The following PCMTD2 variants were observed in gnomAD, a reference collection of about 807,000 sequenced individuals.
PCMTD2 encodes the protein protein-L-isoaspartate O-methyltransferase domain-containing protein 2.
Under a neutral mutation model 33.4 loss-of-function variants are expected in PCMTD2, and 16 were observed. That is an observed-to-expected ratio of 0.48 (90% confidence interval 0.32 to 0.73). The LOEUF is 0.73. Among genes scored for constraint, PCMTD2 ranks in the 30% least tolerant of loss-of-function variants. The pLI, the probability that PCMTD2 is intolerant of heterozygous loss-of-function variation, is 0.03. For synonymous variants in PCMTD2, 161 were observed against 160.8 expected (o/e 1.00, Z -0.01); for missense variants, 374 against 449.9 (o/e 0.83, Z 1.53).
chr20:64,273,164 CGTT>C, intron 5 of PCMTD2, 54 bp from the exon 6 acceptor site: 1 of 1,463,342 alleles, frequency 6.8e-7, no homozygotes, highest in South Asian at 1.3e-5. Flanking sequence ...GGTGTGTAGG[CGTT>C]GTGGTGGTGT....
At chr20:64,257,040 C>G (rs2145751088) in intron 1 of PCMTD2, 1 of 152,356 alleles carries the variant, frequency 6.6e-6, no homozygotes, top group Middle Eastern at 3.4e-3. Flanking sequence ...TGTAAGAGTT[C>G]TGGTTTTCAA....
rs1356469701 is a variant in PCMTD2, at chr20:64,264,618, G to A, written c.410+87G>A. Reference sequence around the variant, plus strand: ...TCAGATAGAAAGAAATCATGTGGTAGGAAACATAATTAAACTGTGGTGGGA... The same window carrying A: ...TCAGATAGAAAGAAATCATGTGGTAAGAAACATAATTAAACTGTGGTGGGA... On this transcript the variant is annotated intron_variant, in intron 3 of 5. Transcript: ENST00000308824. 33 of 723,388 alleles carry A rather than the reference G, an allele frequency of 4.6e-5. 1 individual carries two copies. In the East Asian group the frequency reaches 8.6e-4, roughly 19 times the overall value. The allele number at this position is 723,388 out of a possible 1,614,324, so 44.8% of individuals were successfully genotyped here.
chr20:64,259,908 A>G (rs1985328444), intron 1 of PCMTD2, 34 bp from the exon 2 acceptor site: 3 of 1,086,606 alleles, frequency 2.8e-6, no homozygotes, highest in Admixed American at 1.9e-5. Flanking sequence ...TACCTTTAAC[A>G]TAAATCGCTC....
chr20:64,263,685 G>C (rs1000374213), intron 2 of PCMTD2, among the ~76,000 whole-genome samples: 1 of 152,168 alleles, frequency 6.6e-6, no homozygotes, highest in Admixed American at 6.5e-5. Context: ...AGTTGAATCA[G>C]CACCCCAAAA....
At position 64,260,200 on chromosome 20, in the gene PCMTD2, C is replaced by G. The variant is rs372906957; in HGVS notation, c.235C>G (p.Gln79Glu). ...YSEVMEALDL[Q>E]PGLSFLNLGS... The stretch of plus-strand genomic sequence containing the variant: ...GGAGGTGATGGAAGCCCTAGATCTG[C>G]AGCCTGGACTCTCGTTTCTGAACCT... The change falls in exon 2 of 6, where the codon CAG (glutamine) becomes GAG (glutamate). Residue 79 changes from glutamine to glutamate, a missense_variant. Gln to Glu is a conservative substitution (Grantham distance 29). Coordinates refer to ENST00000308824, the MANE Select transcript of PCMTD2 (RefSeq NM_018257.3). 3.2e-5 allele frequency: 51 copies of G among 1,613,514 alleles called. No individual in the cohort carries two copies. The highest frequency in any genetic ancestry group is 6.7e-5 in the Admixed American group (4 of 59,992).
At position 64,264,422 on chromosome 20, in the gene PCMTD2, C is replaced by T. The variant is rs780382481; in HGVS notation, c.308-7C>T. ...TCTACATGTTTTCTTATTCTTAAAC[C>T]TTTTAGGTCCTTTTGGTGTGAACCA... On this transcript the variant is annotated splice_polypyrimidine_tract_variant and splice_region_variant and intron_variant, in intron 2 of 5. Transcript: ENST00000308824. The T allele has an allele frequency of 2.1e-6, 3 of 1,461,672 alleles. No homozygotes were observed. The highest frequency in any genetic ancestry group is 9.6e-7 in the Non-Finnish European group (1 of 1,041,406). The allele number at this position is 1,461,672 out of a possible 1,614,324, so 90.5% of individuals were successfully genotyped here.
At chr20:64,265,132 C>A in intron 3 of PCMTD2, 126 bp from the exon 4 acceptor site, 1 of 545,394 alleles carries the variant, frequency 1.8e-6, no homozygotes, top group Non-Finnish European at 3.1e-6. Flanking sequence ...TCTTTTCTTC[C>A]AGCTCCTCAC....
rs1986034143 is a variant in PCMTD2 at position 64,274,413 on chromosome 20, TAA to T, written c.*814_*815del. 1.3e-5 allele frequency: 2 copies of T among 150,976 alleles called. No individual in the cohort carries two copies. Among genetic ancestry groups the T allele is most frequent in the African/African-American group, 4.9e-5 (2 of 40,908 alleles). 9.4% of individuals were successfully genotyped at this position (150,976 alleles called of 1,614,324 possible). A position where few individuals can be genotyped will look rare whatever the true frequency, so the allele number is the denominator to read the frequency against. Reference sequence around the variant, plus strand: ...CAGATTTTTTCCTGTGTGTAAGCAATAAGTGAAGTTACATTTGCCCTAACCCT... The same window carrying T: ...CAGATTTTTTCCTGTGTGTAAGCAATGTGAAGTTACATTTGCCCTAACCCT... On this transcript the variant is annotated 3_prime_UTR_variant, in exon 6 of 6. Coordinates refer to ENST00000308824, the MANE Select transcript of PCMTD2 (RefSeq NM_018257.3).
chr20:64,270,213 G>C (rs1268956401), intron 5 of PCMTD2, among the ~76,000 whole-genome samples: 1 of 139,314 alleles, frequency 7.2e-6, no homozygotes, highest in Non-Finnish European at 1.6e-5. Flanking sequence ...GCGGGCGTGC[G>C]TGGTGCGGGG....
intron 2 of PCMTD2, 97 bp downstream of exon 2, chr20:64,260,369 G>A (rs1294103117): frequency 1.2e-5 from 10 of 804,686 alleles, no homozygotes; most frequent in Non-Finnish European, 1.9e-5. Flanking sequence ...TGCCTGGGTC[G>A]AGACCGCAGC....
Position 64,264,541 on chromosome 20 carries a change from A to C in PCMTD2, c.410+10A>C, listed in dbSNP as rs759068648. Reference sequence around the variant, plus strand: ...GTGATAGTTTTGACAAGTAAGATGAAATACTATCCATTGGCTCAGATGATG... The same window carrying C: ...GTGATAGTTTTGACAAGTAAGATGACATACTATCCATTGGCTCAGATGATG... On this transcript the variant is annotated intron_variant, in intron 3 of 5. Transcript: ENST00000308824. The C allele has an allele frequency of 1.5e-6, 2 of 1,308,236 alleles. No individual in the cohort carries two copies. Among genetic ancestry groups the C allele is most frequent in the Non-Finnish European group, 2.2e-6 (2 of 901,338 alleles). 81.0% of individuals were successfully genotyped at this position (1,308,236 alleles called of 1,614,324 possible).
chr20:64,264,080 A>G (rs1423205611), intron 2 of PCMTD2, among the ~76,000 whole-genome samples: 2 of 152,226 alleles, frequency 1.3e-5, no homozygotes, highest in Admixed American at 1.3e-4. Flanking sequence ...GTTCTGGGCA[A>G]CTTTTCAGGG....
At chr20:64,269,739 G>A (rs1212697214) in intron 5 of PCMTD2, among the ~76,000 whole-genome samples, 4 of 149,480 alleles carry the variant, frequency 2.7e-5, no homozygotes, top group Non-Finnish European at 6.0e-5. Context: ...GCGGACATGC[G>A]CAATGTGGGG....
intron 1 of PCMTD2, 123 bp from the exon 2 acceptor site, chr20:64,259,819 T>G (rs1985324378): frequency 3.4e-6 from 2 of 590,788 alleles, no homozygotes; most frequent in Non-Finnish European, 5.9e-6. Flanking sequence ...GAGGTGGGTG[T>G]TGACAAAAGA....
At chr20:64,264,271 G>A (rs750612444) in intron 2 of PCMTD2, among the ~76,000 whole-genome samples, 158 bp from the exon 3 acceptor site, 5 of 152,180 alleles carry the variant, frequency 3.3e-5, no homozygotes, top group Non-Finnish European at 7.4e-5. Flanking sequence ...AAGTATTTAC[G>A]ATGTGGTGAG....
At chr20:64,261,165 A>C (rs970533867) in intron 2 of PCMTD2, among the ~76,000 whole-genome samples, 2 of 152,208 alleles carry the variant, frequency 1.3e-5, no homozygotes, top group South Asian at 2.1e-4. Flanking sequence ...AAGGAAAAAC[A>C]TCACTTGGTG....
chr20:64,265,798 A>G (rs1312703583), intron 4 of PCMTD2, among the ~76,000 whole-genome samples: 1 of 151,744 alleles, frequency 6.6e-6, no homozygotes, highest in Non-Finnish European at 1.5e-5. Flanking sequence ...TTAGAATTAT[A>G]TATAAAATAG....
chr20:64,272,004 C>CA (rs1265200750), intron 5 of PCMTD2: 4 of 341,660 alleles, frequency 1.2e-5, no homozygotes, highest in Admixed American at 3.8e-5. Flanking sequence ...GCAAGAGGCA[C>CA]GATCGTGGTG....
At chr20:64,256,337 A>G (rs938996690) in intron 1 of PCMTD2, among the ~76,000 whole-genome samples, 34 of 152,282 alleles carry the variant, frequency 2.2e-4, no homozygotes, top group African/African-American at 4.8e-4. Flanking sequence ...TGGGACTTCA[A>G]TTCACGCATG....
Sources: gnomAD v4.1 joint callset for allele counts (sites outside exome capture counted in the v4.1 genomes callset) on GRCh38, gnomAD v4.1.1 for gene constraint, MANE v1.5 for transcripts, NCBI Gene and HGNC (gene_info 2026-07-23, HGNC 2026-07-21) for gene names.